The following TENM2 variants were observed in gnomAD, a reference collection of about 807,000 sequenced individuals.
TENM2 encodes teneurin-2.
A neutral mutation model predicts 245.2 loss-of-function variants in TENM2; 52 were observed. The observed-to-expected ratio is 0.21, with a 90% CI of 0.17 to 0.27. The LOEUF (loss-of-function observed/expected upper bound fraction) is 0.27. Ranked by LOEUF, TENM2 falls within the 10% of genes least tolerant of loss-of-function variation. TENM2 has a pLI of 1.00. For missense variants in TENM2, 3,046 were observed against 3,666.8 expected (o/e 0.83, Z 4.37); for synonymous variants, 1,363 against 1,438.9 (o/e 0.95, Z 1.19).
intron 2 of TENM2, among the ~76,000 whole-genome samples, chr5:167,707,027 A>G (rs968199053): frequency 3.3e-5 from 5 of 151,346 alleles, no homozygotes; most frequent in East Asian, 3.9e-4. Flanking sequence ...AAAAAAAAAA[A>G]AAAAAAAAAA....
chr5:167,023,027 G>A, the TENM2 span, among the ~76,000 whole-genome samples: 1 of 152,136 alleles, frequency 6.6e-6, no homozygotes, highest in Non-Finnish European at 1.5e-5. Context: ...ATTTTCTTCA[G>A]AGCTGTGGTG....
intron 2 of TENM2, among the ~76,000 whole-genome samples, chr5:167,574,752 G>A (rs1034030990): frequency 6.6e-6 from 1 of 152,152 alleles, no homozygotes; most frequent in Non-Finnish European, 1.5e-5. Context: ...GCTCAATAAT[G>A]GAGGGGCTGA....
intron 10 of TENM2, among the ~76,000 whole-genome samples, chr5:168,120,806 C>T (rs543775214): frequency 1.3e-5 from 2 of 152,318 alleles, no homozygotes; most frequent in South Asian, 2.1e-4. Flanking sequence ...ATAGTCATAA[C>T]GTTCAAACAA....
chr5:167,487,389 G>C (rs1206672610), intron 2 of TENM2, among the ~76,000 whole-genome samples: 4 of 152,068 alleles, frequency 2.6e-5, no homozygotes, highest in Non-Finnish European at 4.4e-5. Flanking sequence ...GTGTTTTCTT[G>C]TGCATTTGTT....
At chr5:168,033,770 T>C (rs987603572) in intron 5 of TENM2, among the ~76,000 whole-genome samples, 1 of 152,116 alleles carries the variant, frequency 6.6e-6, no homozygotes, top group African/African-American at 2.4e-5. Flanking sequence ...ATCACACCTG[T>C]AATCCCAGCA....
At chr5:167,190,293 A>G in the TENM2 span, among the ~76,000 whole-genome samples, 1 of 152,100 alleles carries the variant, frequency 6.6e-6, no homozygotes, top group Non-Finnish European at 1.5e-5. Context: ...ATGAGAAAAT[A>G]CTTTTCAGAA....
chr5:167,807,933 A>T (rs950029552), intron 2 of TENM2, among the ~76,000 whole-genome samples: 7 of 152,168 alleles, frequency 4.6e-5, no homozygotes, highest in African/African-American at 1.7e-4. Flanking sequence ...AAAGATTCCC[A>T]GAAGATTTGG....
chr5:167,328,612 G>A (rs1177502376), intron 1 of TENM2, among the ~76,000 whole-genome samples: 1 of 152,082 alleles, frequency 6.6e-6, no homozygotes, highest in African/African-American at 2.4e-5. Context: ...TGCCTCACTG[G>A]CCTTCTCCCA....
intron 2 of TENM2, among the ~76,000 whole-genome samples, chr5:167,444,298 T>TAC (rs140953889): frequency 0.32 from 48,656 of 150,328 alleles, 8,342 homozygotes; most frequent in African/African-American, 0.45. Context: ...CACATACACA[T>TAC]ACACACACAC....
At chr5:168,020,856 T>C (rs1246645829) in intron 5 of TENM2, among the ~76,000 whole-genome samples, 1 of 152,222 alleles carries the variant, frequency 6.6e-6, no homozygotes, top group Non-Finnish European at 1.5e-5. Context: ...AAGACATTTC[T>C]TTGAGTGCAG....
the TENM2 span, among the ~76,000 whole-genome samples, chr5:167,161,132 C>A: frequency 6.6e-6 from 1 of 152,316 alleles, no homozygotes; most frequent in South Asian, 2.1e-4. Flanking sequence ...TTCTTTCCTG[C>A]AGTACATCCC....
intron 2 of TENM2, among the ~76,000 whole-genome samples, chr5:167,782,313 C>CAA (rs767675565): frequency 0.13 from 7,855 of 58,542 alleles, 898 homozygotes; most frequent in African/African-American, 0.24. Flanking sequence ...AACTCTGTCT[C>CAA]AAAAAAAAAA....
chr5:167,501,764 T>C (rs974925853), intron 2 of TENM2, among the ~76,000 whole-genome samples: 4 of 152,148 alleles, frequency 2.6e-5, no homozygotes, highest in African/African-American at 4.8e-5. Flanking sequence ...TAGGTAGTTG[T>C]ACTTTGCCAT....
intron 23 of TENM2, among the ~76,000 whole-genome samples, chr5:168,220,013 T>G (rs1763533452): frequency 6.6e-6 from 1 of 152,084 alleles, no homozygotes. Context: ...TTCCCCTGGT[T>G]CTGACTTTCT....
intron 12 of TENM2, among the ~76,000 whole-genome samples, chr5:168,148,855 A>C (rs1282925616): frequency 6.7e-6 from 1 of 150,264 alleles, no homozygotes; most frequent in African/African-American, 2.5e-5. Context: ...CAGATTAATA[A>C]ATAAATATAA....
chr5:167,123,335 A>G, the TENM2 span, among the ~76,000 whole-genome samples: 1 of 152,200 alleles, frequency 6.6e-6, no homozygotes, highest in Non-Finnish European at 1.5e-5. Flanking sequence ...CTCAAAAAAT[A>G]AACAAACAAA....
chr5:167,891,243 T>C (rs995776867), intron 3 of TENM2, among the ~76,000 whole-genome samples: 7 of 152,196 alleles, frequency 4.6e-5, no homozygotes, highest in Non-Finnish European at 7.3e-5. Context: ...AATAGACAAA[T>C]TTTGTGGTTC....
intron 13 of TENM2, among the ~76,000 whole-genome samples, chr5:168,182,285 G>A (rs1759976059): frequency 6.6e-6 from 1 of 152,168 alleles, no homozygotes; most frequent in Admixed American, 6.5e-5. Context: ...AGCAGGCGTA[G>A]GGTAAAATGC....
chr5:167,387,250 TTTG>T (rs35366640), intron 2 of TENM2, among the ~76,000 whole-genome samples: 6 of 151,184 alleles, frequency 4.0e-5, no homozygotes, highest in Admixed American at 6.6e-5. Context: ...TCCTAAGTGT[TTTG>T]TTGTTGTTGT....
Sources: gnomAD v4.1 joint callset for allele counts (sites outside exome capture counted in the v4.1 genomes callset) on GRCh38, gnomAD v4.1.1 for gene constraint, MANE v1.5 for transcripts, NCBI Gene and HGNC (gene_info 2026-07-23, HGNC 2026-07-21) for gene names.